Variants in GALNT9 observed in about 807,000 individuals in gnomAD.
GALNT9 encodes the protein GalNAc transferase 9.
In GALNT9, 47 loss-of-function variants were observed where a neutral mutation model predicts 63.1. That is an observed-to-expected ratio of 0.75 (90% CI 0.59 to 0.95). The LOEUF is 0.95. GALNT9 is among the 40% of genes least tolerant of loss of function. The probability of loss-of-function intolerance (pLI) is 0.00; values close to 1 mark genes in which losing one functional copy is unlikely to be tolerated. For synonymous variants in GALNT9, 396 were observed against 365.7 expected, an observed-to-expected ratio of 1.08 and a Z score of -0.94; for missense variants, 829 against 874.8, an observed-to-expected ratio of 0.95 and a Z score of 0.66.
Position 132,316,027 on chromosome 12 carries a change from C to T in GALNT9, c.238+12939G>A, listed in dbSNP as rs552651479. On this transcript the variant is annotated intron_variant, in intron 1 of 10. Coordinates refer to ENST00000328957, the MANE Select transcript of GALNT9 (RefSeq NM_001122636.2). The surrounding 1 kb of genome is among the most constrained non-coding windows in gnomAD (Gnocchi z 4.3). ...GAGGGCACGGCAGGCAGGCAGCCCC[C>T]GAAACGGCCGCCCACCCCCTCACGC... Among the ~76,000 whole-genome samples the T allele has an allele frequency of 2.6e-5, 4 of 152,266 alleles. No individual in the cohort carries two copies. Among genetic ancestry groups the T allele is most frequent in the Admixed American group, 2.6e-4 (4 of 15,298 alleles).
intron 6 of GALNT9, among the ~76,000 whole-genome samples, chr12:132,226,574 TACACCCCACACACATACACACCAC>T (rs1358832515): frequency 3.0e-5 from 3 of 100,724 alleles, no homozygotes; most frequent in African/African-American, 1.2e-4. Flanking sequence ...CACACCCACA[TACACCCCACACACATACACACCAC>T]ACACCCCACA....
rs1188838569 is a variant in GALNT9 at position 132,236,222 on chromosome 12, C to T, written c.1077+11688G>A. ...ATGCCAGCCTCCCTCCCCCAGGCAT[C>T]GATCTCGTGAATAAATCAGCAATGA... On this transcript the variant is annotated intron_variant, in intron 6 of 10. Transcript: ENST00000328957. The surrounding 1 kb of genome is among the most constrained non-coding windows in gnomAD (Gnocchi z 5.6). 4.6e-5 allele frequency among the ~76,000 whole-genome samples: 7 copies of T among 151,870 alleles called. No homozygotes were observed. Among genetic ancestry groups the T allele is most frequent in the Middle Eastern group, 3.4e-3 (1 of 294 alleles).
At chr12:132,230,208 C>T (rs1252279930) in intron 6 of GALNT9, among the ~76,000 whole-genome samples, 3 of 152,198 alleles carry the variant, frequency 2.0e-5, no homozygotes, top group African/African-American at 7.2e-5. Flanking sequence ...GGAGTCCACG[C>T]ACCCCCTGCC....
chr12:132,260,069 C>CGCAGGGCCTG (rs1879317628), intron 4 of GALNT9, among the ~76,000 whole-genome samples: 1 of 87,190 alleles, frequency 1.1e-5, no homozygotes, highest in African/African-American at 5.2e-5. Context: ...GCACTATGGA[C>CGCAGGGCCTG]CCCGTAGGTG....
At chr12:132,201,061 C>T (rs1327543040) in intron 8 of GALNT9, 63 bp downstream of exon 8, 35 of 1,476,110 alleles carry the variant, frequency 2.4e-5, no homozygotes, top group Non-Finnish European at 3.1e-5. Flanking sequence ...TGAATGCATA[C>T]GTGTGCAGGA....
chr12:132,282,281 G>T lies in GALNT9; in HGVS notation c.419+3969C>A, dbSNP rs1356147951. On this transcript the variant is annotated intron_variant, in intron 2 of 10. Transcript: ENST00000328957. The surrounding 1 kb of genome is among the most constrained non-coding windows in gnomAD (Gnocchi z 4.5). Reference sequence around the variant, plus strand: ...CAGAGGGGGAATCAGCTCCACTACAGCAAGGCCAGGCCTGGGGTCCCACAT... The same window carrying T: ...CAGAGGGGGAATCAGCTCCACTACATCAAGGCCAGGCCTGGGGTCCCACAT... Among the ~76,000 whole-genome samples, 1 of 152,068 alleles carries T rather than the reference G, an allele frequency of 6.6e-6. No individual in the cohort carries two copies. Among genetic ancestry groups the T allele is most frequent in the African/African-American group, 2.4e-5 (1 of 41,376 alleles).
intron 1 of GALNT9, among the ~76,000 whole-genome samples, chr12:132,322,770 C>G (rs1371737046): frequency 6.6e-6 from 1 of 152,220 alleles, no homozygotes; most frequent in African/African-American, 2.4e-5. Flanking sequence ...CAGGGCCGAG[C>G]TGCTTCCGTG....
intron 1 of GALNT9, among the ~76,000 whole-genome samples, chr12:132,322,441 C>T (rs1375460099): frequency 2.0e-5 from 3 of 152,248 alleles, no homozygotes; most frequent in Non-Finnish European, 2.9e-5. Context: ...CTGAGACAGG[C>T]CCTCAGCTCA....
At chr12:132,283,083 G>A (rs1404546013) in intron 2 of GALNT9, 1 of 152,262 alleles carries the variant, frequency 6.6e-6, no homozygotes, top group Non-Finnish European at 1.5e-5. Context: ...GTTCAGTCCT[G>A]ACTCAGAGAC....
intron 1 of GALNT9, among the ~76,000 whole-genome samples, chr12:132,322,200 C>T (rs1868834642): frequency 6.6e-6 from 1 of 152,246 alleles, no homozygotes; most frequent in African/African-American, 2.4e-5. Context: ...ATCCCCGCCA[C>T]CCAGATACCC....
intron 6 of GALNT9, among the ~76,000 whole-genome samples, chr12:132,216,702 C>A (rs1363663923): frequency 1.3e-5 from 2 of 152,210 alleles, no homozygotes; most frequent in Non-Finnish European, 2.9e-5. Context: ...TCTCTTTGGG[C>A]CGCTGACTGG....
chr12:132,205,906 AAGGAGGG>A (rs1221724781), intron 6 of GALNT9: 5 of 152,138 alleles, frequency 3.3e-5, no homozygotes, highest in African/African-American at 1.2e-4. Flanking sequence ...GTTTCGTGAG[AAGGAGGG>A]GGGAAGCACC....
chr12:132,204,984 C>A (rs996388601), intron 6 of GALNT9, among the ~76,000 whole-genome samples: 1 of 152,086 alleles, frequency 6.6e-6, no homozygotes, highest in Non-Finnish European at 1.5e-5. Context: ...GGCATTGCCC[C>A]GTTCCCTCCG....
At chr12:132,300,650 C>A (rs1318842489) in intron 1 of GALNT9, among the ~76,000 whole-genome samples, 2 of 149,764 alleles carry the variant, frequency 1.3e-5, no homozygotes, top group East Asian at 3.9e-4. Context: ...CCACACCTAA[C>A]CCACCCCTGA....
chr12:132,203,506 G>C lies in GALNT9; in HGVS notation c.1262C>G (p.Ser421Trp). 1.2e-6 allele frequency: 2 copies of C among 1,613,454 alleles called. No individual in the cohort carries two copies. Among genetic ancestry groups the C allele is most frequent in the Non-Finnish European group, 8.5e-7 (1 of 1,179,518 alleles). ...HVYMAWNIPMSNPGVDFGDVS... is the reference protein window; with the variant it reads ...HVYMAWNIPMWNPGVDFGDVS... Reference sequence around the variant, plus strand: ...GCTCCCGGCCTGTGGGGGACTCACCGACATGGGGATGTTCCAGGCCATGTA... The same window carrying C: ...GCTCCCGGCCTGTGGGGGACTCACCCACATGGGGATGTTCCAGGCCATGTA... Residue 421 changes from serine (S) to tryptophan (W), a missense_variant and splice_region_variant, in exon 7 of 11, where the codon TCG becomes TGG. Coordinates refer to ENST00000328957, the MANE Select transcript of GALNT9 (RefSeq NM_001122636.2).
At chr12:132,217,535 A>ACCATTCATCCAT (rs1877257059) in intron 6 of GALNT9, among the ~76,000 whole-genome samples, 1 of 137,642 alleles carries the variant, frequency 7.3e-6, no homozygotes, top group African/African-American at 2.8e-5. Flanking sequence ...CAACCAGCCA[A>ACCATTCATCCAT]CCATTCATCC....
At chr12:132,256,315 C>T (rs767312548) in intron 5 of GALNT9, among the ~76,000 whole-genome samples, 19 of 151,734 alleles carry the variant, frequency 1.3e-4, no homozygotes, top group East Asian at 2.0e-4. Flanking sequence ...TGTGTGGCTC[C>T]GAGGCTCAGC....
chr12:132,275,522 G>A (rs1332429091), intron 2 of GALNT9: 1 of 152,242 alleles, frequency 6.6e-6, no homozygotes, highest in African/African-American at 2.4e-5. Flanking sequence ...GAATCCTCCT[G>A]GCCAACGCCA....
In GALNT9 at chr12:132,327,261, C is replaced by T. The variant is rs144897725; in HGVS notation, c.238+1705G>A. Reference sequence around the variant, plus strand: ...GGAGGGGACAGAGGACAGGAGGAAGCGGGATGGGAGAAGGCAGTGGGGGCG... The same window carrying T: ...GGAGGGGACAGAGGACAGGAGGAAGTGGGATGGGAGAAGGCAGTGGGGGCG... On this transcript the variant is annotated intron_variant, in intron 1 of 10. Transcript: ENST00000328957. This position sits in a 1 kb window ranked among gnomAD's most constrained non-coding sequence, Gnocchi z 4.3. Among the ~76,000 whole-genome samples, 1,878 of 105,834 alleles carry T rather than the reference C, an allele frequency of 0.018. 46 individuals are homozygous for T. The highest frequency in any genetic ancestry group is 0.063 in the African/African-American group (1,794 of 28,314). 69.4% of individuals were successfully genotyped at this position (105,834 alleles called of 152,430 possible). A position where few individuals can be genotyped will look rare whatever the true frequency, so the allele number is the denominator to read the frequency against.
Sources: gnomAD v4.1 joint callset for allele counts (sites outside exome capture counted in the v4.1 genomes callset) on GRCh38, gnomAD v4.1.1 for gene constraint, Gnocchi (gnomAD v3.1) non-coding constraint, MANE v1.5 for transcripts, NCBI Gene and HGNC (gene_info 2026-07-23, HGNC 2026-07-21) for gene names.